Variants in CLCN7 observed in about 807,000 individuals in gnomAD.
CLCN7 encodes the protein H(+)/Cl(-) exchange transporter 7.
A neutral mutation model predicts 102.1 loss-of-function variants in CLCN7; 60 were observed. The ratio of observed to expected loss-of-function variants is 0.59; its 90% CI spans 0.48 to 0.73. The LOEUF (loss-of-function observed/expected upper bound fraction) is 0.73. Among genes scored for constraint, CLCN7 ranks in the 30% least tolerant of loss-of-function variants. The probability of loss-of-function intolerance (pLI) is 0.00; values close to 1 mark genes in which losing one functional copy is unlikely to be tolerated. For missense variants in CLCN7, 962 were observed against 1,125.7 expected (o/e 0.85, Z 2.08); for synonymous variants, 560 against 490.5 (o/e 1.14, Z -1.87).
chr16:1,472,153 T>G (rs752251391), intron 1 of CLCN7, among the ~76,000 whole-genome samples: 3 of 152,258 alleles, frequency 2.0e-5, no homozygotes, highest in Non-Finnish European at 4.4e-5. Flanking sequence ...GATAAACTAT[T>G]TTTTAAATTG....
At chr16:1,459,663 G>T (rs2038901103) in intron 6 of CLCN7, among the ~76,000 whole-genome samples, 1 of 41,134 alleles carries the variant, frequency 2.4e-5, no homozygotes, top group Admixed American at 2.1e-4. Context: ...GGGAAGGGGA[G>T]AGCGGCACAC....
At position 1,451,726 on chromosome 16, in the gene CLCN7, C is replaced by G; in HGVS notation, c.1354-10G>C. 6.2e-7 allele frequency: 1 copy of G among 1,610,404 alleles called. No homozygotes were observed. The highest frequency in any genetic ancestry group is 8.5e-7 in the Non-Finnish European group (1 of 1,178,592). The stretch of plus-strand genomic sequence containing the variant: ...CATCTGCACAAAAGAGCTGTGGGGT[C>G]GGGAGAGAGCACACGTTGGGAGGGG... On this transcript the variant is annotated splice_polypyrimidine_tract_variant and intron_variant, in intron 15 of 24. Coordinates refer to ENST00000382745, the MANE Select transcript of CLCN7 (RefSeq NM_001287.6).
At chr16:1,464,638 C>A (rs544114778) in intron 2 of CLCN7, among the ~76,000 whole-genome samples, 2 of 152,336 alleles carry the variant, frequency 1.3e-5, no homozygotes, top group Non-Finnish European at 2.9e-5. Flanking sequence ...CTGACGTGGC[C>A]CAGGGCAGAG....
In CLCN7 at chr16:1,448,824, G is replaced by A. The variant is rs147201875; in HGVS notation, c.1798-58C>T. 579 of 1,599,326 alleles carry A rather than the reference G, an allele frequency of 3.6e-4. 8 individuals are homozygous for A. The East Asian group carries it at 0.011, about 31-fold the overall frequency. On this transcript the variant is annotated intron_variant, in intron 19 of 24. Coordinates refer to ENST00000382745, the MANE Select transcript of CLCN7 (RefSeq NM_001287.6). ...AGTCCACACCCACCCCTGGAGCCCC[G>A]AGCCTACCCCTGGGAGCCCAGAGGC... is the stretch of plus-strand genomic sequence containing the variant.
At chr16:1,456,249 G>T in intron 9 of CLCN7, 43 bp from the exon 10 acceptor site, 1 of 1,454,804 alleles carries the variant, frequency 6.9e-7, no homozygotes, top group Non-Finnish European at 9.4e-7. Context: ...TTCCTTGAGG[G>T]CACGGCTCTC....
rs911131039 is a variant in CLCN7, at chr16:1,453,956, G to C, written c.1154-62C>G. On this transcript the variant is annotated intron_variant, in intron 13 of 24. Coordinates refer to ENST00000382745, the MANE Select transcript of CLCN7 (RefSeq NM_001287.6). ...GGAAAAGTGCGGGCCTCCGCCCGCC[G>C]GCTCCCAGATGGCAGGAGAAGCTGG... The C allele has an allele frequency of 8.4e-6, 13 of 1,547,748 alleles. No individual in the cohort carries two copies. In the African/African-American group the frequency reaches 1.5e-4, roughly 18 times the overall value.
intron 1 of CLCN7, among the ~76,000 whole-genome samples, 170 bp downstream of exon 1, chr16:1,474,664 C>G (rs938940113): frequency 6.6e-6 from 1 of 152,006 alleles, no homozygotes; most frequent in African/African-American, 2.4e-5. Context: ...ACCCCAGGCG[C>G]CCCCGCCAGC....
In CLCN7 at chr16:1,449,343, C is replaced by A; in HGVS notation, c.1618-16G>T. 1 of 1,577,824 alleles carries A rather than the reference C, an allele frequency of 6.3e-7. No homozygotes were observed. Among genetic ancestry groups the A allele is most frequent in the Non-Finnish European group, 8.6e-7 (1 of 1,162,062 alleles). On this transcript the variant is annotated splice_polypyrimidine_tract_variant and intron_variant, in intron 17 of 24. Transcript: ENST00000382745. ...CCGCCCAGATCTGTGGGAGGTGACA[C>A]GGAGGAGGTGTCAGTGTGGTGGCAG...
chr16:1,463,267 G>A lies in CLCN7; in HGVS notation c.214-1593C>T, dbSNP rs1052001441. On this transcript the variant is annotated intron_variant, in intron 2 of 24. Transcript: ENST00000382745. Reference sequence around the variant, plus strand: ...AACGGGTCAGTCGTCATACTCTTGGGTGAGGCAATGGTTTCTTAGATTTGA... The same window carrying A: ...AACGGGTCAGTCGTCATACTCTTGGATGAGGCAATGGTTTCTTAGATTTGA... Among the ~76,000 whole-genome samples, 7 of 152,178 alleles carry A rather than the reference G, an allele frequency of 4.6e-5. No individual in the cohort carries two copies. The East Asian group carries it at 1.3e-3, about 29-fold the overall frequency.
chr16:1,452,608 G>A, intron 15 of CLCN7, 147 bp downstream of exon 15: 1 of 835,584 alleles, frequency 1.2e-6, no homozygotes, highest in Non-Finnish European at 1.9e-6. Context: ...GGGTGGACAG[G>A]ACTAACCCTC....
intron 6 of CLCN7, among the ~76,000 whole-genome samples, chr16:1,460,156 G>A (rs995859364): frequency 3.3e-5 from 5 of 151,966 alleles, no homozygotes; most frequent in Non-Finnish European, 7.4e-5. Flanking sequence ...GTGAGGAGAT[G>A]GAAGGAGGGG....
intron 5 of CLCN7, 69 bp from the exon 6 acceptor site, chr16:1,460,596 C>A: frequency 7.2e-7 from 1 of 1,383,768 alleles, no homozygotes. Flanking sequence ...CAGCCCTGCC[C>A]CACAGACCAG....
chr16:1,450,616 GGAA>G lies in CLCN7; in HGVS notation c.1495_1497del (p.Phe499del). ...GTGAGCCCGTAGGTCCAGCAGGCCA[GGAA>G]GAAGTAGACCAGCGTGAACAGGCCG... On this transcript the variant is annotated inframe_deletion, in exon 17 of 25. Transcript: ENST00000382745. The G allele has an allele frequency of 1.9e-6, 3 of 1,612,732 alleles. No homozygotes were observed. Among genetic ancestry groups the G allele is most frequent in the Non-Finnish European group, 2.5e-6 (3 of 1,179,804 alleles).
At chr16:1,456,702 G>C (rs1023461583) in intron 9 of CLCN7, among the ~76,000 whole-genome samples, 2 of 152,078 alleles carry the variant, frequency 1.3e-5, no homozygotes, top group Non-Finnish European at 2.9e-5. Context: ...TTAGCCAGGC[G>C]TGGTGGCGGG....
At chr16:1,465,129 TC>T (rs1394275620) in intron 2 of CLCN7, 137 bp downstream of exon 2, 9 of 759,292 alleles carry the variant, frequency 1.2e-5, no homozygotes, top group Non-Finnish European at 2.1e-5. Context: ...AGGGACCATG[TC>T]CCCCCAAGGA....
Position 1,455,557 on chromosome 16 carries a change from G to A in CLCN7, c.981+174C>T, listed in dbSNP as rs12921745. On this transcript the variant is annotated intron_variant, in intron 11 of 24. Coordinates refer to ENST00000382745, the MANE Select transcript of CLCN7 (RefSeq NM_001287.6). ...GGCAATGGTGCCCAGGACCAAGGGC[G>A]AACTGGGCAGCAAAGGCAGGACCGC... 61,753 of 772,294 alleles carry A rather than the reference G, an allele frequency of 0.08. 2,987 individuals carry two copies. The highest frequency in any genetic ancestry group is 0.1 in the Non-Finnish European group (46,865 of 452,798). The allele number at this position is 772,294 out of a possible 1,614,324, so 47.8% of individuals were successfully genotyped here.
intron 12 of CLCN7, 84 bp from the exon 13 acceptor site, chr16:1,454,549 T>C (rs1567268361): frequency 1.3e-5 from 17 of 1,311,972 alleles, no homozygotes; most frequent in Non-Finnish European, 1.9e-5. Flanking sequence ...ACCACCATCT[T>C]AAGAGAGCTG....
intron 18 of CLCN7, 36 bp from the exon 19 acceptor site, chr16:1,449,129 C>T (rs748109108): frequency 1.2e-5 from 20 of 1,612,072 alleles, no homozygotes; most frequent in South Asian, 6.6e-5. Flanking sequence ...CACGTCCACC[C>T]TCCTGGCTCA....
chr16:1,459,225 A>T, intron 6 of CLCN7, 38 bp from the exon 7 acceptor site: 1 of 1,535,274 alleles, frequency 6.5e-7, no homozygotes, highest in Non-Finnish European at 8.9e-7. Context: ...GGTCACGGCC[A>T]GGCTGAGACA....
Sources: allele counts gnomAD v4.1 joint callset (sites outside exome capture counted in the v4.1 genomes callset), GRCh38; gene constraint gnomAD v4.1.1; transcripts MANE v1.5; gene names NCBI Gene and HGNC (gene_info 2026-07-23, HGNC 2026-07-21).